SND1: variants seen among roughly 807,000 people sequenced by gnomAD.
The protein encoded by SND1 is staphylococcal nuclease domain-containing protein 1.
A neutral mutation model predicts 121.7 loss-of-function variants in SND1; 38 were observed. That is an observed-to-expected ratio of 0.31 (90% CI 0.24 to 0.41). The LOEUF (loss-of-function observed/expected upper bound fraction) is 0.41. Ranked by LOEUF, SND1 falls within the 10% of genes least tolerant of loss-of-function variation. The pLI is 1.00. For missense variants in SND1, 868 were observed against 1,184.6 expected (o/e 0.73, Z 3.92); for synonymous variants, 401 against 447.4 (o/e 0.90, Z 1.31).
At chr7:128,013,060 A>G (rs1803149895) in intron 16 of SND1, among the ~76,000 whole-genome samples, 1 of 152,056 alleles carries the variant, frequency 6.6e-6, no homozygotes, top group Non-Finnish European at 1.5e-5. Flanking sequence ...TTCCTCACAC[A>G]GTCAGAGTCA....
At chr7:128,043,083 A>G (rs1792882957) in intron 16 of SND1, among the ~76,000 whole-genome samples, 1 of 152,202 alleles carries the variant, frequency 6.6e-6, no homozygotes, top group Non-Finnish European at 1.5e-5. Flanking sequence ...GGCTGGGCTT[A>G]GTCTTCTACC....
At chr7:127,705,570 A>AAGATGTAGATGT (rs755656199) in intron 8 of SND1, among the ~76,000 whole-genome samples, 7 of 146,184 alleles carry the variant, frequency 4.8e-5, no homozygotes, top group South Asian at 4.4e-4. Flanking sequence ...TGTCAGCGTC[A>AAGATGTAGATGT]AGATGTAGAT....
At chr7:127,885,438 C>T (rs1425444274) in intron 12 of SND1, among the ~76,000 whole-genome samples, 1 of 152,102 alleles carries the variant, frequency 6.6e-6, no homozygotes, top group Non-Finnish European at 1.5e-5. Flanking sequence ...GCTAAGAGAA[C>T]ATGGCTTAGA....
At chr7:127,665,464 G>A (rs13221709) in intron 1 of SND1, among the ~76,000 whole-genome samples, 32,154 of 152,104 alleles carry the variant, frequency 0.21, 4,004 homozygotes, top group Middle Eastern at 0.32. Flanking sequence ...TGGGATTACA[G>A]GCGTGAGACA....
intron 11 of SND1, among the ~76,000 whole-genome samples, chr7:127,813,755 G>T (rs532354528): frequency 6.6e-6 from 1 of 152,228 alleles, no homozygotes; most frequent in South Asian, 2.1e-4. Flanking sequence ...TGGAGATGGG[G>T]TTTCACCATG....
intron 3 of SND1, among the ~76,000 whole-genome samples, chr7:127,697,677 T>A (rs1172854032): frequency 6.6e-6 from 1 of 152,170 alleles, no homozygotes; most frequent in Non-Finnish European, 1.5e-5. Flanking sequence ...TGAACCTTCT[T>A]TGTATAAACT....
chr7:127,748,965 C>T (rs1797029444), intron 10 of SND1, among the ~76,000 whole-genome samples: 1 of 151,928 alleles, frequency 6.6e-6, no homozygotes. Context: ...TCCTGCTGTG[C>T]ACCCCCCATG....
At chr7:128,002,947 G>A (rs1802872084) in intron 16 of SND1, among the ~76,000 whole-genome samples, 1 of 152,244 alleles carries the variant, frequency 6.6e-6, no homozygotes, top group South Asian at 2.1e-4. Flanking sequence ...CACAGGCTGG[G>A]CACAGTGGCT....
chr7:128,023,663 C>G (rs1444494848), intron 16 of SND1, among the ~76,000 whole-genome samples: 1 of 152,180 alleles, frequency 6.6e-6, no homozygotes, highest in African/African-American at 2.4e-5. Flanking sequence ...ACTATTGTCT[C>G]TGACTTCTAG....
chr7:127,806,321 C>T (rs1026006787), intron 10 of SND1, among the ~76,000 whole-genome samples: 1 of 152,156 alleles, frequency 6.6e-6, no homozygotes, highest in Non-Finnish European at 1.5e-5. Flanking sequence ...TCTCGGGCTC[C>T]TGTCCTTTCC....
intron 15 of SND1, among the ~76,000 whole-genome samples, chr7:127,974,744 C>A (rs995746787): frequency 6.6e-6 from 1 of 152,200 alleles, no homozygotes; most frequent in African/African-American, 2.4e-5. Context: ...ATATGAAACA[C>A]TTCTCTTGTT....
At chr7:127,741,649 G>A (rs1257211550) in intron 10 of SND1, among the ~76,000 whole-genome samples, 1 of 152,038 alleles carries the variant, frequency 6.6e-6, no homozygotes, top group Non-Finnish European at 1.5e-5. Flanking sequence ...ATTGCCTTCC[G>A]TTGTGTACCT....
At chr7:127,721,247 C>A in intron 9 of SND1, 40 bp from the exon 10 acceptor site, 1 of 1,381,498 alleles carries the variant, frequency 7.2e-7, no homozygotes, top group Non-Finnish European at 1.0e-6. Context: ...GTGATGGGGG[C>A]CATAGAAGCA....
At chr7:127,699,343 G>A (rs775272257) in intron 4 of SND1, among the ~76,000 whole-genome samples, 4 of 152,182 alleles carry the variant, frequency 2.6e-5, no homozygotes, top group African/African-American at 2.4e-5. Context: ...TTCTGCTGAC[G>A]TTTTAATGGG....
At chr7:127,997,804 T>TAG (rs915695822) in intron 16 of SND1, 1 of 534,622 alleles carries the variant, frequency 1.9e-6, no homozygotes, top group African/African-American at 1.9e-5. Context: ...ATCTCTCAGG[T>TAG]AGACTTACAC....
At chr7:128,087,116 CCT>C in intron 21 of SND1, 65 bp downstream of exon 21, 1 of 1,233,692 alleles carries the variant, frequency 8.1e-7, no homozygotes, top group Admixed American at 1.8e-5. Flanking sequence ...CTGCAGCAGC[CCT>C]CATGGGCTGA....
At chr7:127,941,918 T>A (rs999821432) in intron 15 of SND1, among the ~76,000 whole-genome samples, 1 of 151,056 alleles carries the variant, frequency 6.6e-6, no homozygotes, top group Non-Finnish European at 1.5e-5. Context: ...TTTTTAAATT[T>A]TCCAAGTTTA....
chr7:128,053,441 G>A (rs1320278557), intron 16 of SND1, among the ~76,000 whole-genome samples: 1 of 152,120 alleles, frequency 6.6e-6, no homozygotes, highest in African/African-American at 2.4e-5. Context: ...CCTGTCTTCA[G>A]GAGTCTGAGT....
At chr7:127,892,506 G>A (rs1800026861) in intron 13 of SND1, among the ~76,000 whole-genome samples, 1 of 152,070 alleles carries the variant, frequency 6.6e-6, no homozygotes, top group African/African-American at 2.4e-5. Flanking sequence ...CCCTCATAAT[G>A]TCTTAAATAC....
Sources: allele counts gnomAD v4.1 joint callset (sites outside exome capture counted in the v4.1 genomes callset), GRCh38; gene constraint gnomAD v4.1.1; transcripts MANE v1.5; gene names NCBI Gene and HGNC (gene_info 2026-07-23, HGNC 2026-07-21).